The following ELF1 variants were observed in gnomAD, a reference collection of about 807,000 sequenced individuals.
ELF1 encodes E74 like ETS transcription factor 1.
A neutral mutation model predicts 59.9 loss-of-function variants in ELF1; 24 were observed. The observed-to-expected ratio is 0.40, with a 90% CI of 0.29 to 0.56. The LOEUF is 0.56. ELF1 is among the 20% of genes least tolerant of loss of function. ELF1 has a pLI of 0.44. For missense variants in ELF1, 627 were observed against 742.2 expected (o/e 0.84, Z 1.80); for synonymous variants, 248 against 266.2 (o/e 0.93, Z 0.67).
chr13:40,975,160 C>T (rs1363289903), intron 2 of ELF1, among the ~76,000 whole-genome samples: 3 of 152,172 alleles, frequency 2.0e-5, no homozygotes, highest in African/African-American at 7.2e-5. Context: ...AGCAACACTC[C>T]AGCTTCCTGC....
chr13:41,003,990 A>G (rs1874606386), intron 1 of ELF1, among the ~76,000 whole-genome samples: 1 of 152,156 alleles, frequency 6.6e-6, no homozygotes, highest in South Asian at 2.1e-4. Flanking sequence ...AAAGATTCAC[A>G]TTATAGTTCT....
chr13:40,991,942 T>C (rs868867283), intron 1 of ELF1, among the ~76,000 whole-genome samples: 16 of 152,324 alleles, frequency 1.1e-4, no homozygotes, highest in South Asian at 1.0e-3. Flanking sequence ...AACATTGATA[T>C]AGTGTTCCAT....
At chr13:41,014,019 G>A (rs992382791) in intron 1 of ELF1, among the ~76,000 whole-genome samples, 2 of 152,008 alleles carry the variant, frequency 1.3e-5, no homozygotes, top group African/African-American at 4.8e-5. Context: ...CATCTATCAC[G>A]TAGATACTGC....
intron 1 of ELF1, among the ~76,000 whole-genome samples, chr13:41,002,330 A>C (rs1315725515): frequency 6.6e-6 from 1 of 152,124 alleles, no homozygotes; most frequent in Non-Finnish European, 1.5e-5. Flanking sequence ...CCTATATTTT[A>C]ATAGTAGATG....
At position 40,933,490 on chromosome 13, in the gene ELF1, A is replaced by C; in HGVS notation, c.1795T>G (p.Ser599Ala). 3.1e-6 allele frequency: 5 copies of C among 1,614,214 alleles called. No homozygotes were observed. Among genetic ancestry groups the C allele is most frequent in the Non-Finnish European group, 4.2e-6 (5 of 1,180,040 alleles). The part of the protein sequence containing the change: ...PQPYVMVVSS[S>A]NGFTSQVAMK... ...GCTACCTGAGAAGTAAATCCATTGG[A>C]ACTGGACACTACCATCACATAAGGC... The change falls in exon 9 of 9, where the codon TCC (serine) becomes GCC (alanine). Residue 599 changes from serine to alanine, a missense_variant. Physicochemically the swap from Ser to Ala is moderately conservative, Grantham distance 99 (BLOSUM62 1). Coordinates refer to ENST00000239882, the MANE Select transcript of ELF1 (RefSeq NM_172373.4).
At chr13:41,011,182 T>A (rs1240896263) in intron 1 of ELF1, among the ~76,000 whole-genome samples, 2 of 152,242 alleles carry the variant, frequency 1.3e-5, no homozygotes, top group Non-Finnish European at 2.9e-5. Context: ...TTCATGGATG[T>A]TAATACTATA....
At chr13:41,002,285 GAGA>G (rs1874496336) in intron 1 of ELF1, among the ~76,000 whole-genome samples, 1 of 152,016 alleles carries the variant, frequency 6.6e-6, no homozygotes, top group Non-Finnish European at 1.5e-5. Context: ...GAAATACCTG[GAGA>G]AGAAGAAATA....
intron 1 of ELF1, among the ~76,000 whole-genome samples, chr13:41,018,989 G>GA (rs1342561946): frequency 3.9e-5 from 6 of 151,952 alleles, no homozygotes; most frequent in East Asian, 1.9e-4. Flanking sequence ...AAATTACATA[G>GA]AAAAAAAATC....
At chr13:41,016,843 G>A (rs1331349824) in intron 1 of ELF1, among the ~76,000 whole-genome samples, 2 of 143,028 alleles carry the variant, frequency 1.4e-5, no homozygotes, top group Non-Finnish European at 3.0e-5. Flanking sequence ...GAACCCGGGA[G>A]ACGGAAGTTG....
chr13:41,047,937 T>G (rs879936059), intron 1 of ELF1, among the ~76,000 whole-genome samples: 74 of 152,252 alleles, frequency 4.9e-4, no homozygotes, highest in Non-Finnish European at 9.0e-4. Context: ...CAGTTCGAGC[T>G]TCAGGCCACT....
In ELF1 at chr13:40,989,836, G is replaced by A. The variant is rs547684725; in HGVS notation, c.-228-7554C>T. On this transcript the variant is annotated intron_variant, in intron 1 of 8. Coordinates refer to ENST00000239882, the MANE Select transcript of ELF1 (RefSeq NM_172373.4). ...AAATGATAAAACTGATTCTAGGAAGGGGGAATTTAAAAAACCAGAAAAGCT... is the reference window on the plus strand; with the variant it reads ...AAATGATAAAACTGATTCTAGGAAGAGGGAATTTAAAAAACCAGAAAAGCT... 2.6e-5 allele frequency among the ~76,000 whole-genome samples: 4 copies of A among 152,204 alleles called. No homozygotes were observed. The South Asian group carries it at 8.3e-4, about 32-fold the overall frequency.
chr13:41,033,519 C>T (rs896847210), intron 1 of ELF1, among the ~76,000 whole-genome samples: 27 of 152,122 alleles, frequency 1.8e-4, no homozygotes, highest in African/African-American at 6.3e-4. Flanking sequence ...GTGAAAGAAG[C>T]CAGTGTCAAA....
chr13:40,933,536 C>G lies in ELF1; in HGVS notation c.1749G>C (p.Glu583Asp). 6.2e-7 allele frequency: 1 copy of G among 1,614,232 alleles called. No individual in the cohort carries two copies. Among genetic ancestry groups the G allele is most frequent in the Non-Finnish European group, 8.5e-7 (1 of 1,180,048 alleles). Residue 583 changes from glutamate (E) to aspartate (D), a missense_variant, in exon 9 of 9, where the codon GAG (glutamate) becomes GAC (aspartate). Transcript: ENST00000239882. ...ESEDHLKENT[E>D]KTEQQPQPYV... Reference sequence around the variant, plus strand: ...AAGGCTGTGGCTGCTGCTCCGTTTTCTCAGTGTTCTCTTTCAAATGATCTT... The same window carrying G: ...AAGGCTGTGGCTGCTGCTCCGTTTTGTCAGTGTTCTCTTTCAAATGATCTT...
chr13:41,039,167 AG>A (rs1421628067), intron 1 of ELF1, among the ~76,000 whole-genome samples: 1 of 152,046 alleles, frequency 6.6e-6, no homozygotes, highest in Non-Finnish European at 1.5e-5. Flanking sequence ...TGGAAGGCCG[AG>A]GTAGGTGGAT....
chr13:41,039,683 T>A (rs904899457), intron 1 of ELF1, among the ~76,000 whole-genome samples: 4 of 152,208 alleles, frequency 2.6e-5, no homozygotes, highest in African/African-American at 9.6e-5. Flanking sequence ...ACTAAAATAC[T>A]GAAACACTGC....
intron 5 of ELF1, 136 bp downstream of exon 5, chr13:40,949,670 A>AAT: frequency 1.1e-5 from 12 of 1,110,588 alleles, no homozygotes; most frequent in Non-Finnish European, 1.2e-5. Context: ...ATAACTCATA[A>AAT]TTTCCATTTT....
intron 8 of ELF1, among the ~76,000 whole-genome samples, chr13:40,937,679 A>C (rs1476415606): frequency 6.6e-6 from 1 of 152,078 alleles, no homozygotes; most frequent in African/African-American, 2.4e-5. Context: ...CCATGTTGGG[A>C]AGGCTGGTCT....
In ELF1 at chr13:40,940,386, G is replaced by GAAA. The variant is rs375400990; in HGVS notation, c.1256+532_1256+534dup. The stretch of plus-strand genomic sequence containing the variant: ...GCTCTGAGGCAAATCTGATTTAACT[G>GAAA]AAAAAAAAAAAAAAAAAAAAAAAAA... On this transcript the variant is annotated intron_variant, in intron 8 of 8. Coordinates refer to ENST00000239882, the MANE Select transcript of ELF1 (RefSeq NM_172373.4). Among the ~76,000 whole-genome samples the GAAA allele has an allele frequency of 6.4e-3, 696 of 109,450 alleles. 8 individuals are homozygous for GAAA. The highest frequency in any genetic ancestry group is 0.019 in the East Asian group (37 of 1,966). The allele number at this position is 109,450 out of a possible 152,430, so 71.8% of individuals were successfully genotyped here.
chr13:41,021,655 T>G (rs1875695483), upstream of ELF1, among the ~76,000 whole-genome samples: 1 of 152,200 alleles, frequency 6.6e-6, no homozygotes, highest in South Asian at 2.1e-4. Context: ...AGCCTAATAG[T>G]ATCTACCACA....
Sources: allele counts gnomAD v4.1 joint callset (sites outside exome capture counted in the v4.1 genomes callset), GRCh38; gene constraint gnomAD v4.1.1; transcripts MANE v1.5; gene names NCBI Gene and HGNC (gene_info 2026-07-23, HGNC 2026-07-21).